RFTN2: variants seen among roughly 807,000 people sequenced by gnomAD.
The protein encoded by RFTN2 is raftlin-2.
RFTN2 carries 34 observed loss-of-function variants against 52.7 expected under a neutral mutation model. The ratio of observed to expected loss-of-function variants is 0.64; its 90% confidence interval spans 0.49 to 0.86. RFTN2 has a LOEUF of 0.86. Ranked by LOEUF, RFTN2 falls within the 40% of genes least tolerant of loss-of-function variation. The pLI, the probability that RFTN2 is intolerant of heterozygous loss-of-function variation, is 0.00. For synonymous variants in RFTN2, 203 were observed against 217.7 expected (o/e 0.93, Z 0.59); for missense variants, 536 against 600.1 (o/e 0.89, Z 1.12).
chr2:197,659,557 C>T lies in RFTN2; in HGVS notation c.140-12891G>A, dbSNP rs568443079. Reference sequence around the variant, plus strand: ...TACAGGCTGGGTGTGGTGGCTCATGCCTGTAATCCCAGCACTTTGAGAGGC... The same window carrying T: ...TACAGGCTGGGTGTGGTGGCTCATGTCTGTAATCCCAGCACTTTGAGAGGC... On this transcript the variant is annotated intron_variant, in intron 1 of 8. Coordinates refer to ENST00000295049, the MANE Select transcript of RFTN2 (RefSeq NM_144629.3). Among the ~76,000 whole-genome samples, 67 of 151,864 alleles carry T rather than the reference C, an allele frequency of 4.4e-4. 2 individuals carry two copies. In the South Asian group the frequency reaches 0.01, roughly 23 times the overall value.
intron 3 of RFTN2, among the ~76,000 whole-genome samples, chr2:197,637,486 G>A (rs1480006401): frequency 1.3e-5 from 2 of 152,114 alleles, no homozygotes; most frequent in African/African-American, 2.4e-5. Context: ...TATGTGTTGA[G>A]GAATTTATCC....
chr2:197,586,835 A>G (rs1559339328), intron 8 of RFTN2, among the ~76,000 whole-genome samples: 1 of 152,126 alleles, frequency 6.6e-6, no homozygotes, highest in South Asian at 2.1e-4. Context: ...TGACTTACTC[A>G]CTGCTGAAAC....
chr2:197,572,057 T>C lies in RFTN2; in HGVS notation c.1457A>G (p.Asp486Gly). The C allele has an allele frequency of 6.2e-7, 1 of 1,614,224 alleles. No individual in the cohort carries two copies. The highest frequency in any genetic ancestry group is 1.7e-5 in the Admixed American group (1 of 60,024). The part of the protein sequence containing the change: ...SSDNVLRELD[D>G]GQFDQEDGVT... ...TCCATCTTCCTGATCAAACTGTCCG[T>C]CGTCTAATTCCCGGAGGACGTTGTC... The change falls in exon 9 of 9, where the codon GAC becomes GGC. Residue 486 changes from aspartate (D) to glycine (G), a missense_variant. Coordinates refer to ENST00000295049, the MANE Select transcript of RFTN2 (RefSeq NM_144629.3).
intron 8 of RFTN2, 54 bp downstream of exon 8, chr2:197,595,937 A>G: frequency 2.5e-6 from 3 of 1,188,406 alleles, no homozygotes; most frequent in Non-Finnish European, 3.7e-6. Flanking sequence ...TGAGAGTTTA[A>G]GGATTAAATG....
At chr2:197,616,711 G>C (rs2088151570) in intron 6 of RFTN2, among the ~76,000 whole-genome samples, 1 of 152,188 alleles carries the variant, frequency 6.6e-6, no homozygotes, top group Admixed American at 6.5e-5. Flanking sequence ...AGTGACAATA[G>C]TGGTATTGAA....
chr2:197,669,436 A>G (rs2089112052), intron 1 of RFTN2, among the ~76,000 whole-genome samples: 1 of 152,122 alleles, frequency 6.6e-6, no homozygotes, highest in Non-Finnish European at 1.5e-5. Flanking sequence ...TATAAAAGAA[A>G]AAGACACAAA....
chr2:197,674,670 C>T (rs908643830), intron 1 of RFTN2, among the ~76,000 whole-genome samples: 3 of 152,130 alleles, frequency 2.0e-5, no homozygotes, highest in Non-Finnish European at 4.4e-5. Context: ...CGAGCCACCT[C>T]GATTCCTTCC....
At chr2:197,647,662 A>G (rs1169213741) in intron 1 of RFTN2, among the ~76,000 whole-genome samples, 1 of 152,238 alleles carries the variant, frequency 6.6e-6, no homozygotes, top group East Asian at 1.9e-4. Flanking sequence ...GAAGCTAAAC[A>G]TATAATTTCT....
chr2:197,589,207 G>C (rs1325080996), intron 8 of RFTN2, among the ~76,000 whole-genome samples: 3 of 108,572 alleles, frequency 2.8e-5, no homozygotes, highest in African/African-American at 1.1e-4. Flanking sequence ...GGGTGACAGA[G>C]TGACTCTGTC....
chr2:197,674,661 G>A (rs2089192459), intron 1 of RFTN2, among the ~76,000 whole-genome samples: 1 of 152,032 alleles, frequency 6.6e-6, no homozygotes, highest in African/African-American at 2.4e-5. Flanking sequence ...TTGTGAAATC[G>A]AGCCACCTCG....
At chr2:197,598,582 C>CACT (rs2087827142) in intron 7 of RFTN2, among the ~76,000 whole-genome samples, 1 of 152,128 alleles carries the variant, frequency 6.6e-6, no homozygotes, top group Admixed American at 6.5e-5. Context: ...GTGGATGGGG[C>CACT]AATTCTGAAT....
At chr2:197,627,727 G>A (rs967814577) in intron 5 of RFTN2, among the ~76,000 whole-genome samples, 14 of 152,110 alleles carry the variant, frequency 9.2e-5, no homozygotes, top group African/African-American at 3.4e-4. Context: ...TAGGAACCTC[G>A]AGGCTAATTG....
At chr2:197,640,342 C>A (rs867440608) in intron 3 of RFTN2, among the ~76,000 whole-genome samples, 1 of 152,144 alleles carries the variant, frequency 6.6e-6, no homozygotes, top group Non-Finnish European at 1.5e-5. Flanking sequence ...GCCTCACTGC[C>A]GCCTTGCAGT....
chr2:197,586,320 C>T (rs534456708), intron 8 of RFTN2, among the ~76,000 whole-genome samples: 17 of 152,246 alleles, frequency 1.1e-4, no homozygotes, highest in Non-Finnish European at 2.2e-4. Flanking sequence ...TAAGCAGTTA[C>T]CCTATCAGTC....
chr2:197,642,934 G>C (rs1470930545), intron 3 of RFTN2, among the ~76,000 whole-genome samples: 1 of 152,128 alleles, frequency 6.6e-6, no homozygotes, highest in Non-Finnish European at 1.5e-5. Flanking sequence ...AGCTATGATT[G>C]TGCCACTATA....
intron 7 of RFTN2, among the ~76,000 whole-genome samples, chr2:197,608,908 T>G (rs2088009342): frequency 1.3e-5 from 2 of 152,146 alleles, no homozygotes; most frequent in South Asian, 4.1e-4. Flanking sequence ...TTGTGTTACT[T>G]TACTGAGAAT....
intron 8 of RFTN2, among the ~76,000 whole-genome samples, chr2:197,575,436 C>G (rs1055393699): frequency 1.3e-5 from 2 of 152,204 alleles, no homozygotes; most frequent in Non-Finnish European, 2.9e-5. Context: ...CTGCTGCAAA[C>G]TGCTTCTGCC....
chr2:197,574,965 G>C (rs777190644), intron 8 of RFTN2, among the ~76,000 whole-genome samples: 1 of 152,166 alleles, frequency 6.6e-6, no homozygotes, highest in Non-Finnish European at 1.5e-5. Flanking sequence ...CATGAGATTT[G>C]GGAGGAGCTG....
intron 8 of RFTN2, among the ~76,000 whole-genome samples, chr2:197,595,457 T>C (rs2087780238): frequency 1.3e-5 from 2 of 152,342 alleles, no homozygotes; most frequent in African/African-American, 2.4e-5. Context: ...TGGGAGTTTA[T>C]ATACCATTTT....
Sources: gnomAD v4.1 joint callset for allele counts (sites outside exome capture counted in the v4.1 genomes callset) on GRCh38, gnomAD v4.1.1 for gene constraint, MANE v1.5 for transcripts, NCBI Gene and HGNC (gene_info 2026-07-23, HGNC 2026-07-21) for gene names.